KCNH8: variants seen among roughly 807,000 people sequenced by gnomAD.
KCNH8 encodes potassium voltage-gated channel subfamily H member 8.
Under a neutral mutation model 103.6 loss-of-function variants are expected in KCNH8, and 70 were observed. The ratio of observed to expected loss-of-function variants is 0.68; its 90% confidence interval spans 0.56 to 0.82. KCNH8 has a LOEUF of 0.82. KCNH8 is among the 40% of genes least tolerant of loss of function. The probability of loss-of-function intolerance (pLI) is 0.00; values close to 1 mark genes in which losing one functional copy is unlikely to be tolerated. For synonymous variants in KCNH8, 498 were observed against 489.4 expected, an observed-to-expected ratio of 1.02 and a Z score of -0.23; for missense variants, 1,217 against 1,329.9, an observed-to-expected ratio of 0.92 and a Z score of 1.32.
chr3:19,228,276 T>G (rs1559432169), intron 1 of KCNH8, among the ~76,000 whole-genome samples: 1 of 152,230 alleles, frequency 6.6e-6, no homozygotes, highest in Admixed American at 6.5e-5. Context: ...CTATGAATGT[T>G]GAGTATTTGT....
At chr3:19,438,406 AC>A in intron 8 of KCNH8, 45 bp downstream of exon 8, 1 of 1,486,894 alleles carries the variant, frequency 6.7e-7, no homozygotes, top group Non-Finnish European at 9.3e-7. Context: ...AACTATGCCT[AC>A]CTAACTGTCA....
At chr3:19,206,320 G>C (rs530219347) in intron 1 of KCNH8, among the ~76,000 whole-genome samples, 2 of 140,584 alleles carry the variant, frequency 1.4e-5, no homozygotes, top group African/African-American at 3.2e-5. Context: ...TGGGCATTAG[G>C]GCTGGTTCCA....
At chr3:19,514,898 A>G (rs1176517838) in intron 13 of KCNH8, among the ~76,000 whole-genome samples, 1 of 151,936 alleles carries the variant, frequency 6.6e-6, no homozygotes, top group African/African-American at 2.4e-5. Context: ...TGTGTGATAA[A>G]AAATATAATG....
At chr3:19,191,596 A>G (rs2063553758) in intron 1 of KCNH8, among the ~76,000 whole-genome samples, 1 of 151,452 alleles carries the variant, frequency 6.6e-6, no homozygotes, top group Non-Finnish European at 1.5e-5. Flanking sequence ...TTTCTCTGTC[A>G]CCTTTCTCTA....
At chr3:19,304,705 T>C (rs1356851226) in intron 3 of KCNH8, among the ~76,000 whole-genome samples, 1 of 152,116 alleles carries the variant, frequency 6.6e-6, no homozygotes, top group African/African-American at 2.4e-5. Flanking sequence ...TCAAGGACTA[T>C]ATTACCCTAG....
intron 11 of KCNH8, among the ~76,000 whole-genome samples, chr3:19,459,116 T>A (rs973012959): frequency 1.3e-5 from 2 of 152,058 alleles, no homozygotes; most frequent in African/African-American, 2.4e-5. Flanking sequence ...ATATACCCAG[T>A]ATTAGGACTT....
intron 2 of KCNH8, among the ~76,000 whole-genome samples, chr3:19,274,774 ATT>A (rs2064638670): frequency 1.3e-5 from 2 of 150,636 alleles, no homozygotes; most frequent in Non-Finnish European, 3.0e-5. Context: ...TGAAAAGAGG[ATT>A]AAAAACTTGA....
At chr3:19,422,854 A>G (rs1403425910) in intron 7 of KCNH8, among the ~76,000 whole-genome samples, 1 of 152,112 alleles carries the variant, frequency 6.6e-6, no homozygotes, top group African/African-American at 2.4e-5. Context: ...TGGGAAGTCT[A>G]AGGAAGATAG....
chr3:19,372,064 C>G (rs2066106135), intron 5 of KCNH8, among the ~76,000 whole-genome samples: 1 of 152,180 alleles, frequency 6.6e-6, no homozygotes. Flanking sequence ...CAGGTTTGTT[C>G]TTTTGGCTGA....
chr3:19,503,299 G>C (rs370034943), intron 11 of KCNH8, among the ~76,000 whole-genome samples: 1 of 152,096 alleles, frequency 6.6e-6, no homozygotes, highest in Non-Finnish European at 1.5e-5. Flanking sequence ...AGAGGATGTG[G>C]AGAAATAGGA....
chr3:19,497,522 T>A (rs1270673154), intron 11 of KCNH8, among the ~76,000 whole-genome samples: 1 of 152,194 alleles, frequency 6.6e-6, no homozygotes, highest in Non-Finnish European at 1.5e-5. Context: ...AGGAGCAGGT[T>A]GTTTAATTTC....
At chr3:19,168,464 G>A (rs1225597795) in intron 1 of KCNH8, among the ~76,000 whole-genome samples, 1 of 152,080 alleles carries the variant, frequency 6.6e-6, no homozygotes, top group African/African-American at 2.4e-5. Flanking sequence ...CATGCCTATA[G>A]CAATAGTTTC....
chr3:19,281,290 G>T lies in KCNH8; in HGVS notation c.403G>T (p.Asp135Tyr). 4 of 1,609,854 alleles carry T rather than the reference G, an allele frequency of 2.5e-6. No homozygotes were observed. The highest frequency in any genetic ancestry group is 3.4e-6 in the Non-Finnish European group (4 of 1,177,880). The change falls in exon 3 of 16, where the codon GAT (aspartate) becomes TAT (tyrosine). Residue 135 changes from aspartate to tyrosine, a missense_variant. This residue lies in a region of KCNH8 where 244 missense variants were observed against 256.8 expected (regional missense o/e 0.95). Coordinates refer to ENST00000328405, the MANE Select transcript of KCNH8 (RefSeq NM_144633.3). ...LFLASFKDIT[D>Y]TKVKITPEDK... ...TCTGGCCTCGTTCAAAGATATAACA[G>T]ATACAAAAGTGAAGATTACTCCAGA...
intron 3 of KCNH8, among the ~76,000 whole-genome samples, chr3:19,339,295 C>T (rs2065626671): frequency 6.6e-6 from 1 of 152,056 alleles, no homozygotes; most frequent in Non-Finnish European, 1.5e-5. Flanking sequence ...TTGTAAATAT[C>T]TAAACCGGTT....
At chr3:19,165,146 A>G (rs2063270524) in intron 1 of KCNH8, among the ~76,000 whole-genome samples, 1 of 152,228 alleles carries the variant, frequency 6.6e-6, no homozygotes, top group East Asian at 1.9e-4. Flanking sequence ...TTTATTGTAC[A>G]TGAATTGTAC....
At chr3:19,163,392 A>G (rs1278334332) in intron 1 of KCNH8, among the ~76,000 whole-genome samples, 1 of 150,904 alleles carries the variant, frequency 6.6e-6, no homozygotes, top group East Asian at 1.9e-4. Context: ...AAAACCAAAT[A>G]CTTAAAGAAT....
intron 11 of KCNH8, among the ~76,000 whole-genome samples, chr3:19,471,796 A>G (rs2067862113): frequency 6.6e-6 from 1 of 152,186 alleles, no homozygotes; most frequent in African/African-American, 2.4e-5. Flanking sequence ...CCATCAAAAC[A>G]AAGTTATTGA....
intron 3 of KCNH8, among the ~76,000 whole-genome samples, chr3:19,329,730 G>A (rs1038015242): frequency 6.6e-6 from 1 of 152,134 alleles, no homozygotes. Flanking sequence ...ATAGCACTAA[G>A]CATTTCAATT....
chr3:19,255,746 A>G (rs1165818734), intron 2 of KCNH8, among the ~76,000 whole-genome samples: 1 of 147,994 alleles, frequency 6.8e-6, no homozygotes, highest in Non-Finnish European at 1.5e-5. Context: ...TACTGGCTCT[A>G]AAAAAAAAAG....
Sources: allele counts gnomAD v4.1 joint callset (sites outside exome capture counted in the v4.1 genomes callset), GRCh38; gene constraint gnomAD v4.1.1; regional missense constraint gnomAD v4.1.1; transcripts MANE v1.5; gene names NCBI Gene and HGNC (gene_info 2026-07-23, HGNC 2026-07-21).